Variants in MTRF1 observed in about 807,000 individuals in gnomAD.
The protein encoded by MTRF1 is peptide chain release factor 1, mitochondrial.
Under a neutral mutation model 62.9 loss-of-function variants are expected in MTRF1, and 51 were observed. The observed-to-expected ratio is 0.81, with a 90% CI of 0.65 to 1.02. The LOEUF (loss-of-function observed/expected upper bound fraction) is 1.02, where lower values mean the gene tolerates loss of function less well. Ranked by LOEUF, MTRF1 falls within the 50% of genes least tolerant of loss-of-function variation. MTRF1 has a pLI of 0.00. For synonymous variants in MTRF1, 158 were observed against 181.9 expected, an observed-to-expected ratio of 0.87 and a Z score of 1.06; for missense variants, 446 against 530.0, an observed-to-expected ratio of 0.84 and a Z score of 1.56.
intron 1 of MTRF1, chr13:41,261,768 A>G: frequency 5.1e-6 from 5 of 984,758 alleles, no homozygotes; most frequent in Non-Finnish European, 6.0e-6. Context: ...GGACTCAGTA[A>G]TTTTCACTCT....
chr13:41,242,180 C>T lies in MTRF1; in HGVS notation c.698-1747G>A, dbSNP rs568754689. 2.0e-5 allele frequency among the ~76,000 whole-genome samples: 3 copies of T among 152,094 alleles called. No homozygotes were observed. The South Asian group carries it at 6.2e-4, about 32-fold the overall frequency. On this transcript the variant is annotated intron_variant, in intron 5 of 9. Coordinates refer to ENST00000379480, the MANE Select transcript of MTRF1 (RefSeq NM_004294.4). ...TTCATTTTAATCCTCTGAAGATGAC[C>T]AATTAAAAGTTTAAATTATCATTAT... is the stretch of plus-strand genomic sequence containing the variant.
At chr13:41,263,303 C>T (rs2040681894) in intron 1 of MTRF1, 182 bp downstream of exon 1, 1 of 1,289,204 alleles carries the variant, frequency 7.8e-7, no homozygotes, top group Non-Finnish European at 1.0e-6. Context: ...CTCCATTACC[C>T]ATCACAGTAA....
chr13:41,300,347 G>T, the MTRF1 span, among the ~76,000 whole-genome samples: 1 of 152,206 alleles, frequency 6.6e-6, no homozygotes, highest in Non-Finnish European at 1.5e-5. Context: ...AGCACTTTGG[G>T]AGGCCGAGGC....
chr13:41,234,706 C>G (rs1300153584), intron 6 of MTRF1, among the ~76,000 whole-genome samples: 2 of 152,140 alleles, frequency 1.3e-5, no homozygotes, highest in Admixed American at 6.5e-5. Flanking sequence ...AAATCAACAC[C>G]CGAGGCACTT....
At chr13:41,273,341 A>T in the MTRF1 span, among the ~76,000 whole-genome samples, 6 of 148,428 alleles carry the variant, frequency 4.0e-5, no homozygotes, top group East Asian at 1.2e-3. Context: ...AAAAAAAAAA[A>T]GTTTAGAGGC....
At chr13:41,225,209 CA>C (rs11461910) in intron 8 of MTRF1, among the ~76,000 whole-genome samples, 45 of 116,030 alleles carry the variant, frequency 3.9e-4, no homozygotes, top group Non-Finnish European at 3.5e-4. Flanking sequence ...GAATCTGTCT[CA>C]AAAAAAAAAA....
chr13:41,308,674 C>T, the MTRF1 span, among the ~76,000 whole-genome samples: 21 of 152,282 alleles, frequency 1.4e-4, no homozygotes, highest in South Asian at 2.1e-4. Flanking sequence ...AGCTTGGGAG[C>T]TCTGCAGAGT....
chr13:41,241,506 CA>C (rs768803001), intron 5 of MTRF1, among the ~76,000 whole-genome samples: 4 of 152,164 alleles, frequency 2.6e-5, no homozygotes, highest in African/African-American at 4.8e-5. Flanking sequence ...ATGCCATTTC[CA>C]GACATAATCC....
chr13:41,223,427 C>A, intron 8 of MTRF1, 73 bp from the exon 9 acceptor site: 1 of 1,181,572 alleles, frequency 8.5e-7, no homozygotes, highest in South Asian at 1.3e-5. Flanking sequence ...AAGCACTTGG[C>A]AAATGACCAT....
chr13:41,244,510 G>GC (rs1432926119), intron 5 of MTRF1, among the ~76,000 whole-genome samples: 2 of 152,078 alleles, frequency 1.3e-5, no homozygotes, highest in African/African-American at 2.4e-5. Flanking sequence ...CTCAAGGGTG[G>GC]CCCCCCAGGA....
chr13:41,263,344 C>T (rs1001131491), intron 1 of MTRF1, 141 bp downstream of exon 1: 21 of 1,285,824 alleles, frequency 1.6e-5, no homozygotes, highest in Non-Finnish European at 2.0e-5. Context: ...GGGGAAAGTT[C>T]TGAGTGTAGG....
the MTRF1 span, among the ~76,000 whole-genome samples, chr13:41,307,451 C>T: frequency 6.6e-6 from 1 of 152,054 alleles, no homozygotes; most frequent in East Asian, 1.9e-4. Flanking sequence ...TGGTGAAACC[C>T]CATCTCTACT....
chr13:41,307,865 G>A, the MTRF1 span, among the ~76,000 whole-genome samples: 1 of 152,074 alleles, frequency 6.6e-6, no homozygotes, highest in Non-Finnish European at 1.5e-5. Flanking sequence ...ATGTGTGTAT[G>A]GTGTGTGAAA....
chr13:41,286,199 G>C, the MTRF1 span, among the ~76,000 whole-genome samples: 1,118 of 151,446 alleles, frequency 7.4e-3, 18 homozygotes, highest in African/African-American at 0.025. Flanking sequence ...TTGCTTAGTT[G>C]ACAGGCTTTC....
At chr13:41,220,449 G>A in intron 9 of MTRF1, 1 of 568,890 alleles carries the variant, frequency 1.8e-6, no homozygotes, top group Non-Finnish European at 2.9e-6. Flanking sequence ...ATCTGCACAA[G>A]GACATTGAGA....
chr13:41,269,873 T>C, the MTRF1 span, among the ~76,000 whole-genome samples: 1 of 152,236 alleles, frequency 6.6e-6, no homozygotes, highest in Non-Finnish European at 1.5e-5. Flanking sequence ...CTGTCCTTGT[T>C]CATTCCTGAG....
chr13:41,265,069 C>G (rs2040798313), upstream of MTRF1, among the ~76,000 whole-genome samples: 1 of 152,138 alleles, frequency 6.6e-6, no homozygotes, highest in African/African-American at 2.4e-5. Flanking sequence ...ATTATTTATT[C>G]TGATTTGTGC....
the MTRF1 span, chr13:41,311,231 G>C: frequency 2.0e-6 from 1 of 508,662 alleles, no homozygotes; most frequent in Non-Finnish European, 3.5e-6. Flanking sequence ...ATGCGCACAG[G>C]ATCCGGCTCG....
chr13:41,310,399 G>A, the MTRF1 span, among the ~76,000 whole-genome samples: 1 of 152,168 alleles, frequency 6.6e-6, no homozygotes, highest in Non-Finnish European at 1.5e-5. Context: ...GGCCAGGTGT[G>A]GTGGCTCACG....
Sources: gnomAD v4.1 joint callset for allele counts (sites outside exome capture counted in the v4.1 genomes callset) on GRCh38, gnomAD v4.1.1 for gene constraint, MANE v1.5 for transcripts, NCBI Gene and HGNC (gene_info 2026-07-23, HGNC 2026-07-21) for gene names.